The following OR9Q1 variants were observed in gnomAD, a reference collection of about 807,000 sequenced individuals.
OR9Q1 encodes the protein olfactory receptor family 9 subfamily Q member 1.
For missense variants in OR9Q1, 374 were observed against 378.8 expected (o/e 0.99, Z 0.11); for synonymous variants, 153 against 148.6 (o/e 1.03, Z -0.22).
Position 58,137,295 on chromosome 11 carries a change from G to A in OR9Q1, c.-14-42136G>A, listed in dbSNP as rs142398260. Among the ~76,000 whole-genome samples the A allele has an allele frequency of 1.1e-4, 16 of 152,326 alleles. No homozygotes were observed. In the South Asian group the frequency reaches 2.3e-3, roughly 22 times the overall value. On this transcript the variant is annotated intron_variant, in intron 2 of 2. Transcript: ENST00000335397. Reference sequence around the variant, plus strand: ...GAGCTGGAAGCAAGGTTTGTTTCACGTGACTTTTATCCTGCAACTTAAATC... The same window carrying A: ...GAGCTGGAAGCAAGGTTTGTTTCACATGACTTTTATCCTGCAACTTAAATC...
At chr11:58,090,751 G>T (rs113602153) in intron 2 of OR9Q1, among the ~76,000 whole-genome samples, 19,206 of 152,112 alleles carry the variant, frequency 0.13, 1,465 homozygotes, top group South Asian at 0.19. Flanking sequence ...AGTAGAATTT[G>T]GTTGTGAATC....
At chr11:58,115,876 T>A (rs1372571648) in intron 2 of OR9Q1, among the ~76,000 whole-genome samples, 1 of 152,172 alleles carries the variant, frequency 6.6e-6, no homozygotes, top group Admixed American at 6.6e-5. Flanking sequence ...TCTCCAGAAG[T>A]TCCTATGAAG....
At chr11:58,091,795 A>G (rs973328027) in intron 2 of OR9Q1, among the ~76,000 whole-genome samples, 7 of 152,120 alleles carry the variant, frequency 4.6e-5, no homozygotes, top group African/African-American at 1.7e-4. Context: ...GTATGTCTCT[A>G]AGACTTGTTT....
Position 58,158,783 on chromosome 11 carries a change from A to G in OR9Q1, c.-14-20648A>G, listed in dbSNP as rs964665391. Among the ~76,000 whole-genome samples the G allele has an allele frequency of 2.6e-5, 4 of 152,300 alleles. No individual in the cohort carries two copies. The East Asian group carries it at 7.7e-4, about 29-fold the overall frequency. On this transcript the variant is annotated intron_variant, in intron 2 of 2. Transcript: ENST00000335397. ...GGTGTTTCTAAGGGGCTGGACTTGT[A>G]CTATATACAATTGGGAACTGTGATT...
At chr11:58,130,917 A>G (rs1854134962) in intron 2 of OR9Q1, among the ~76,000 whole-genome samples, 1 of 152,152 alleles carries the variant, frequency 6.6e-6, no homozygotes, top group South Asian at 2.1e-4. Flanking sequence ...ATAATTATTA[A>G]TGTCTATAAA....
chr11:58,030,781 C>A (rs1853024215), intron 1 of OR9Q1: 1 of 595,894 alleles, frequency 1.7e-6, no homozygotes, highest in African/African-American at 1.9e-5. Flanking sequence ...TATTTGTTTT[C>A]TCATGTCCCT....
At position 58,180,344 on chromosome 11, in the gene OR9Q1, G is replaced by T; in HGVS notation, c.900G>T (p.Leu300=). The change falls in exon 3 of 3, where the codon CTG becomes CTT. Residue 300 remains leucine, a synonymous_variant. Coordinates refer to ENST00000335397, the MANE Select transcript of OR9Q1 (RefSeq NM_001005212.4). Reference sequence around the variant, plus strand: ...GGAACAAGGAAGTGAAGGAGGCCCTGAGAAAAATTCTCAATAGAGCCAAGT... The same window carrying T: ...GGAACAAGGAAGTGAAGGAGGCCCTTAGAAAAATTCTCAATAGAGCCAAGT... The part of the protein sequence containing the change: ...SLRNKEVKEA[L]RKILNRAKLS 6.3e-7 allele frequency: 1 copy of T among 1,597,448 alleles called. No homozygotes were observed. The highest frequency in any genetic ancestry group is 8.5e-7 in the Non-Finnish European group (1 of 1,170,250).
intron 2 of OR9Q1, among the ~76,000 whole-genome samples, chr11:58,082,489 C>T (rs60225863): frequency 0.13 from 19,447 of 149,682 alleles, 1,496 homozygotes; most frequent in South Asian, 0.2. Flanking sequence ...AGTAAACTAT[C>T]GCAAGGACAA....
chr11:58,055,800 TA>T (rs56345647), intron 1 of OR9Q1, 69 bp from the exon 2 acceptor site: 149 of 112,786 alleles, frequency 1.3e-3, no homozygotes, highest in South Asian at 1.5e-3. Context: ...ACTCTATCTC[TA>T]AAAAAAAAAA....
chr11:58,180,457 C>T lies in OR9Q1; in HGVS notation c.*80C>T. 3.5e-6 allele frequency: 3 copies of T among 845,934 alleles called. No individual in the cohort carries two copies. Among genetic ancestry groups the T allele is most frequent in the Admixed American group, 5.4e-5 (2 of 36,792 alleles). 52.4% of individuals were successfully genotyped at this position (845,934 alleles called of 1,614,324 possible). The stretch of plus-strand genomic sequence containing the variant: ...CTGGACGCTCATTATTTATAGCATG[C>T]TCAATGTTTAAATGAATATATTATG... On this transcript the variant is annotated 3_prime_UTR_variant, in exon 3 of 3. Coordinates refer to ENST00000335397, the MANE Select transcript of OR9Q1 (RefSeq NM_001005212.4).
intron 2 of OR9Q1, chr11:58,073,046 A>T: frequency 4.8e-6 from 1 of 209,332 alleles, no homozygotes; most frequent in Non-Finnish European, 1.1e-5. Context: ...CTGAGCCATA[A>T]ACTGTGTTGT....
At chr11:58,052,600 T>TA (rs1046565868) in intron 1 of OR9Q1, among the ~76,000 whole-genome samples, 1 of 6,306 alleles carries the variant, frequency 1.6e-4, no homozygotes, top group African/African-American at 4.7e-4. Context: ...ATAATAATAA[T>TA]AAAAAAAAAG....
intron 1 of OR9Q1, among the ~76,000 whole-genome samples, chr11:58,030,270 C>T (rs1565053283): frequency 6.6e-6 from 1 of 152,148 alleles, no homozygotes. Context: ...TTTTTCCTTT[C>T]CCTTAATTTG....
chr11:58,163,685 C>T (rs1403302694), intron 2 of OR9Q1, among the ~76,000 whole-genome samples: 2 of 152,204 alleles, frequency 1.3e-5, no homozygotes. Context: ...AAACTAGAGG[C>T]TACAATGGGC....
chr11:58,155,793 G>A (rs1456548955), intron 2 of OR9Q1, among the ~76,000 whole-genome samples: 1 of 152,134 alleles, frequency 6.6e-6, no homozygotes, highest in Non-Finnish European at 1.5e-5. Flanking sequence ...AGACACAAGT[G>A]TGAAAAGTAT....
chr11:58,026,841 G>A (rs1269397331), intron 1 of OR9Q1: 1 of 152,052 alleles, frequency 6.6e-6, no homozygotes, highest in Non-Finnish European at 1.5e-5. Flanking sequence ...GAATCAGTGT[G>A]AATTAATATA....
At chr11:58,139,679 A>G (rs1590611076) in intron 2 of OR9Q1, among the ~76,000 whole-genome samples, 1 of 151,982 alleles carries the variant, frequency 6.6e-6, no homozygotes, top group Non-Finnish European at 1.5e-5. Flanking sequence ...AATCCAGTCT[A>G]TCATTGTTGG....
intron 2 of OR9Q1, among the ~76,000 whole-genome samples, chr11:58,168,656 G>GC (rs1398362999): frequency 1.2e-4 from 18 of 151,178 alleles, no homozygotes; most frequent in African/African-American, 3.4e-4. Context: ...CTATTGTATT[G>GC]CAAGAATCCA....
At chr11:58,119,788 C>T (rs1854008404) in intron 2 of OR9Q1, among the ~76,000 whole-genome samples, 1 of 151,792 alleles carries the variant, frequency 6.6e-6, no homozygotes, top group African/African-American at 2.4e-5. Flanking sequence ...ACCATATACC[C>T]ACCACACGGT....
Sources: gnomAD v4.1 joint callset for allele counts (sites outside exome capture counted in the v4.1 genomes callset) on GRCh38, gnomAD v4.1.1 for gene constraint, MANE v1.5 for transcripts, NCBI Gene and HGNC (gene_info 2026-07-23, HGNC 2026-07-21) for gene names.